Variants in TIAM1 observed in about 807,000 individuals in gnomAD.
TIAM1 encodes the protein rho guanine nucleotide exchange factor TIAM1.
In TIAM1, 65 loss-of-function variants were observed where a neutral mutation model predicts 163.5. The observed-to-expected ratio is 0.40, with a 90% confidence interval of 0.33 to 0.49. The LOEUF (loss-of-function observed/expected upper bound fraction) is 0.49, where lower values mean the gene tolerates loss of function less well. Among genes scored for constraint, TIAM1 ranks in the 20% least tolerant of loss-of-function variants. The pLI is 0.77. For synonymous variants in TIAM1, 833 were observed against 810.1 expected (o/e 1.03, Z -0.48); for missense variants, 1,789 against 2,044.7 (o/e 0.87, Z 2.41).
intron 2 of TIAM1, among the ~76,000 whole-genome samples, chr21:31,317,871 G>A (rs1236516305): frequency 6.6e-6 from 1 of 152,204 alleles, no homozygotes; most frequent in Non-Finnish European, 1.5e-5. Context: ...AAGTACATGT[G>A]CCTACTTGAT....
intron 2 of TIAM1, among the ~76,000 whole-genome samples, chr21:31,350,417 G>T (rs2076216032): frequency 6.6e-6 from 1 of 152,118 alleles, no homozygotes; most frequent in Non-Finnish European, 1.5e-5. Flanking sequence ...GATATAGTTT[G>T]GATATCTGTA....
chr21:31,528,985 G>A (rs369506552), intron 1 of TIAM1, among the ~76,000 whole-genome samples: 329 of 148,034 alleles, frequency 2.2e-3, no homozygotes, highest in African/African-American at 7.5e-3. Context: ...GCAGTGGCGC[G>A]ATCTCAGCTC....
rs185758805 is a variant in TIAM1, at chr21:31,378,841, T to C, written c.-368-39419A>G. Among the ~76,000 whole-genome samples the C allele has an allele frequency of 3.7e-4, 57 of 152,336 alleles. 1 individual carries two copies. Among genetic ancestry groups the C allele is most frequent in the African/African-American group, 1.3e-3 (55 of 41,570 alleles). The stretch of plus-strand genomic sequence containing the variant: ...GTTTTGCTTGTCACTATTCCCTAAA[T>C]AATGCAGTATAACAACAATTTACAT... On this transcript the variant is annotated intron_variant, in intron 2 of 28. Coordinates refer to the TIAM1 transcript ENST00000286827.
intron 1 of TIAM1, among the ~76,000 whole-genome samples, chr21:31,537,001 G>C (rs2284548): frequency 0.17 from 26,099 of 152,256 alleles, 2,513 homozygotes; most frequent in Non-Finnish European, 0.22. Context: ...AAGAGACTCT[G>C]GGGAAGGATC....
intron 12 of TIAM1, among the ~76,000 whole-genome samples, chr21:31,199,262 G>C (rs1049487511): frequency 6.6e-6 from 1 of 152,042 alleles, no homozygotes; most frequent in African/African-American, 2.4e-5. Context: ...CCTTCTATGG[G>C]CCCTGGCTGC....
intron 12 of TIAM1, among the ~76,000 whole-genome samples, 168 bp from the exon 13 acceptor site, chr21:31,195,473 C>T (rs1168308919): frequency 1.3e-5 from 2 of 152,220 alleles, no homozygotes; most frequent in Non-Finnish European, 2.9e-5. Flanking sequence ...AAAGTAAAAA[C>T]TTCCAGCTGT....
chr21:31,478,181 A>G (rs1393896988), intron 1 of TIAM1, among the ~76,000 whole-genome samples: 2 of 152,242 alleles, frequency 1.3e-5, no homozygotes, highest in Non-Finnish European at 2.9e-5. Context: ...AATTATTTCT[A>G]GGATTACTAC....
At chr21:31,513,638 T>A (rs1452019610) in intron 1 of TIAM1, among the ~76,000 whole-genome samples, 1 of 152,180 alleles carries the variant, frequency 6.6e-6, no homozygotes, top group African/African-American at 2.4e-5. Context: ...CTGGATCTGT[T>A]TTAATGGAAA....
intron 2 of TIAM1, among the ~76,000 whole-genome samples, chr21:31,414,621 A>G (rs991218290): frequency 6.6e-6 from 1 of 152,192 alleles, no homozygotes; most frequent in African/African-American, 2.4e-5. Context: ...AAAATATTAA[A>G]GAGTGTCTAC....
intron 2 of TIAM1, among the ~76,000 whole-genome samples, chr21:31,413,264 C>CTTTTTTTTTTTTTTTTTTTTTTTTTT (rs397866519): frequency 1.1e-5 from 1 of 87,876 alleles, no homozygotes. Flanking sequence ...CTTTTCTTTT[C>CTTTTTTTTTTTTTTTTTTTTTTTTTT]TTTTTTTTTT....
intron 2 of TIAM1, among the ~76,000 whole-genome samples, chr21:31,375,114 A>C (rs1391992193): frequency 1.3e-5 from 2 of 152,226 alleles, no homozygotes; most frequent in Non-Finnish European, 2.9e-5. Flanking sequence ...CCCACTTTTG[A>C]ACTCTTAATT....
intron 13 of TIAM1, among the ~76,000 whole-genome samples, chr21:31,190,322 G>A (rs2085494278): frequency 6.6e-6 from 1 of 152,072 alleles, no homozygotes; most frequent in African/African-American, 2.4e-5. Context: ...GAGGTGGGAA[G>A]GATGGCTTGA....
intron 3 of TIAM1, among the ~76,000 whole-genome samples, chr21:31,275,015 G>A (rs2073234094): frequency 6.6e-6 from 1 of 151,924 alleles, no homozygotes; most frequent in South Asian, 2.1e-4. Flanking sequence ...CCAGCTACTC[G>A]GGAGGCTGAG....
chr21:31,155,459 A>G (rs537935474), intron 16 of TIAM1, among the ~76,000 whole-genome samples: 2 of 152,180 alleles, frequency 1.3e-5, no homozygotes, highest in African/African-American at 2.4e-5. Context: ...TAATTCACTA[A>G]TATTTGTTCC....
intron 2 of TIAM1, among the ~76,000 whole-genome samples, chr21:31,299,004 A>T (rs796588654): frequency 3.3e-5 from 5 of 152,280 alleles, no homozygotes; most frequent in South Asian, 2.1e-4. Context: ...ACACAGGTTC[A>T]ACAACAATAC....
In TIAM1 at chr21:31,266,581, T is replaced by G. The variant is rs764447948; in HGVS notation, c.392A>C (p.Glu131Ala). The change falls in exon 4 of 28, where the codon GAG (glutamate) becomes GCG (alanine). Residue 131 changes from glutamate (E) to alanine (A), a missense_variant. Coordinates refer to ENST00000541036, the MANE Select transcript of TIAM1 (RefSeq NM_001353694.2). ...ASVQSMPDTE[E>A]SRLYGDDATY... is the part of the protein sequence containing the mutation. ...AGCGTCATCCCCGTAAAGCCTGCTC[T>G]CCTCAGTGTCTGGCATGCTCTGCAC... The G allele has an allele frequency of 6.2e-7, 1 of 1,614,228 alleles. No individual in the cohort carries two copies. Among genetic ancestry groups the G allele is most frequent in the Non-Finnish European group, 8.5e-7 (1 of 1,180,048 alleles).
chr21:31,388,211 TAA>T (rs2076909220), intron 2 of TIAM1, among the ~76,000 whole-genome samples: 3 of 101,472 alleles, frequency 3.0e-5, no homozygotes, highest in South Asian at 6.8e-4. Flanking sequence ...AAGAAGACCC[TAA>T]CACACACACA....
chr21:31,398,187 T>C (rs1247194639), intron 2 of TIAM1, among the ~76,000 whole-genome samples: 2 of 151,012 alleles, frequency 1.3e-5, no homozygotes, highest in Non-Finnish European at 2.9e-5. Context: ...AAAAGCTTTG[T>C]TCTTTAGAAC....
intron 2 of TIAM1, among the ~76,000 whole-genome samples, chr21:31,399,878 C>T (rs1038439843): frequency 5.9e-5 from 9 of 152,100 alleles, no homozygotes; most frequent in African/African-American, 1.7e-4. Flanking sequence ...ATAAAGCTAA[C>T]TTCATGGTTG....
Sources: gnomAD v4.1 joint callset for allele counts (sites outside exome capture counted in the v4.1 genomes callset) on GRCh38, gnomAD v4.1.1 for gene constraint, MANE v1.5 for transcripts, NCBI Gene and HGNC (gene_info 2026-07-23, HGNC 2026-07-21) for gene names.